The following LRBA variants were observed in gnomAD, a reference collection of about 807,000 sequenced individuals.
The protein encoded by LRBA is lipopolysaccharide-responsive and beige-like anchor protein.
In LRBA, 176 loss-of-function variants were observed where a neutral mutation model predicts 330.0. That is an observed-to-expected ratio of 0.53 (90% confidence interval 0.47 to 0.60). LRBA has a LOEUF of 0.60. Ranked by LOEUF, LRBA falls within the 20% of genes least tolerant of loss-of-function variation. The probability of loss-of-function intolerance (pLI) is 0.00; values close to 1 mark genes in which losing one functional copy is unlikely to be tolerated. For synonymous variants in LRBA, 1,230 were observed against 1,193.0 expected (o/e 1.03, Z -0.64); for missense variants, 3,259 against 3,444.8 (o/e 0.95, Z 1.35).
At chr4:150,489,200 T>TATATATTATATATACGAATATATA (rs1561249936) in intron 41 of LRBA, among the ~76,000 whole-genome samples, 1,348 of 63,762 alleles carry the variant, frequency 0.021, 584 homozygotes, top group East Asian at 0.05. Flanking sequence ...TATATATAAG[T>TATATATTATATATACGAATATATA]ATATATTATA....
At chr4:150,489,776 G>A (rs1758672893) in intron 41 of LRBA, among the ~76,000 whole-genome samples, 1 of 137,562 alleles carries the variant, frequency 7.3e-6, no homozygotes, top group South Asian at 2.2e-4. Flanking sequence ...ATTCTTATCT[G>A]TGTGTGTGTA....
chr4:150,992,541 T>C (rs1413534582), intron 2 of LRBA, among the ~76,000 whole-genome samples: 1 of 152,114 alleles, frequency 6.6e-6, no homozygotes, highest in Non-Finnish European at 1.5e-5. Flanking sequence ...TGGGAAAATA[T>C]ATGGAGGTAT....
chr4:150,270,871 C>T (rs1331103572), intron 56 of LRBA, among the ~76,000 whole-genome samples: 1 of 152,166 alleles, frequency 6.6e-6, no homozygotes, highest in Non-Finnish European at 1.5e-5. Context: ...CTTTACAGCT[C>T]TTTCAATTTT....
chr4:150,761,462 C>T (rs988095696), intron 35 of LRBA, among the ~76,000 whole-genome samples: 5 of 152,058 alleles, frequency 3.3e-5, no homozygotes, highest in Admixed American at 2.0e-4. Flanking sequence ...ATTGGCTCTA[C>T]ACACATAAAA....
Position 151,014,571 on chromosome 4 carries a change from T to C in LRBA, c.72A>G (p.Glu24=). Residue 24 remains glutamate (E), a synonymous_variant, in exon 2 of 57, where the codon GAA becomes GAG. Coordinates refer to ENST00000651943, the MANE Select transcript of LRBA (RefSeq NM_001364905.1). ...TGDDGGGGGR[E]ETPTEGGALS... ...ATGCACCCCCTTCAGTAGGGGTTTC[T>C]TCTCTCCCTCCACCTCCCCCGTCAT... The C allele has an allele frequency of 6.2e-7, 1 of 1,613,102 alleles. No individual in the cohort carries two copies. Among genetic ancestry groups the C allele is most frequent in the Non-Finnish European group, 8.5e-7 (1 of 1,179,548 alleles).
chr4:150,998,508 C>T (rs1356725845), intron 2 of LRBA, among the ~76,000 whole-genome samples: 7 of 151,950 alleles, frequency 4.6e-5, no homozygotes, highest in Non-Finnish European at 1.0e-4. Context: ...CACACACTAC[C>T]ACGTAGACCT....
intron 34 of LRBA, among the ~76,000 whole-genome samples, chr4:150,769,815 T>G (rs942736425): frequency 6.6e-6 from 1 of 152,168 alleles, no homozygotes; most frequent in Non-Finnish European, 1.5e-5. Context: ...CATATACATC[T>G]CCTCAAACCA....
At chr4:150,966,607 T>A (rs1738926656) in intron 2 of LRBA, among the ~76,000 whole-genome samples, 1 of 151,808 alleles carries the variant, frequency 6.6e-6, no homozygotes, top group African/African-American at 2.4e-5. Context: ...ATTACAGGCG[T>A]GAGCCACCGC....
Position 150,450,575 on chromosome 4 carries a change from C to T in LRBA, c.6781-13711G>A, listed in dbSNP as rs1007630145. ...CAGTCATATTGGATTTGGGCCCACC[C>T]TAATGACCTTATCTTAAATTGATTA... On this transcript the variant is annotated intron_variant, in intron 44 of 56. Coordinates refer to ENST00000651943, the MANE Select transcript of LRBA (RefSeq NM_001364905.1). Among the ~76,000 whole-genome samples the T allele has an allele frequency of 7.2e-5, 11 of 152,180 alleles. 1 individual carries two copies. Among genetic ancestry groups the T allele is most frequent in the African/African-American group, 1.9e-4 (8 of 41,464 alleles).
intron 2 of LRBA, among the ~76,000 whole-genome samples, chr4:150,982,193 T>C (rs566085465): frequency 6.6e-6 from 1 of 152,304 alleles, no homozygotes; most frequent in East Asian, 1.9e-4. Flanking sequence ...GACAGTAGTA[T>C]GATCGATCTG....
intron 17 of LRBA, among the ~76,000 whole-genome samples, chr4:150,878,628 C>T (rs1404528696): frequency 1.3e-5 from 2 of 150,476 alleles, no homozygotes; most frequent in African/African-American, 4.9e-5. Context: ...AATCCACATA[C>T]AAGCACAATC....
intron 37 of LRBA, among the ~76,000 whole-genome samples, chr4:150,646,278 G>A (rs1182946285): frequency 2.0e-5 from 3 of 152,006 alleles, no homozygotes; most frequent in Non-Finnish European, 2.9e-5. Flanking sequence ...CATGAGCAAC[G>A]AGAAGGATAA....
At chr4:150,983,703 C>T (rs1452706306) in intron 2 of LRBA, among the ~76,000 whole-genome samples, 7 of 151,880 alleles carry the variant, frequency 4.6e-5, no homozygotes, top group Non-Finnish European at 4.4e-5. Flanking sequence ...GATCCGCCTG[C>T]CTCAGCCTCC....
intron 33 of LRBA, among the ~76,000 whole-genome samples, chr4:150,800,608 C>G (rs185936920): frequency 2.2e-3 from 339 of 152,184 alleles, no homozygotes; most frequent in Non-Finnish European, 2.7e-3. Context: ...GCCCTAAAAC[C>G]TTAAAGTCAA....
chr4:150,378,269 T>A (rs886913536), intron 47 of LRBA, among the ~76,000 whole-genome samples: 1 of 152,054 alleles, frequency 6.6e-6, no homozygotes, highest in African/African-American at 2.4e-5. Flanking sequence ...ATGTTAAGAA[T>A]TTTTTTTCTC....
chr4:150,786,622 C>G (rs1426182600), intron 34 of LRBA, among the ~76,000 whole-genome samples: 1 of 152,098 alleles, frequency 6.6e-6, no homozygotes, highest in Non-Finnish European at 1.5e-5. Flanking sequence ...TAGCCCTCAC[C>G]CAGAAGTGGA....
At chr4:150,813,918 T>G (rs1744165644) in intron 31 of LRBA, among the ~76,000 whole-genome samples, 2 of 152,096 alleles carry the variant, frequency 1.3e-5, no homozygotes, top group Non-Finnish European at 1.5e-5. Context: ...CATTTTCAAT[T>G]TTCAATATTT....
chr4:150,770,569 T>TTATA (rs560905379), intron 34 of LRBA, among the ~76,000 whole-genome samples: 1 of 91,382 alleles, frequency 1.1e-5, no homozygotes, highest in South Asian at 3.1e-4. Flanking sequence ...AACAAAGATT[T>TTATA]TATATATATA....
intron 40 of LRBA, among the ~76,000 whole-genome samples, chr4:150,575,966 G>A (rs1770484110): frequency 6.6e-6 from 1 of 151,766 alleles, no homozygotes; most frequent in Non-Finnish European, 1.5e-5. Context: ...TTAAAGGCCA[G>A]CAAAATTTGG....
Sources: allele counts gnomAD v4.1 joint callset (sites outside exome capture counted in the v4.1 genomes callset), GRCh38; gene constraint gnomAD v4.1.1; transcripts MANE v1.5; gene names NCBI Gene and HGNC (gene_info 2026-07-23, HGNC 2026-07-21).